ADAM7: variants seen among roughly 807,000 people sequenced by gnomAD.
The protein encoded by ADAM7 is ADAM metallopeptidase domain 7.
Under a neutral mutation model 102.9 loss-of-function variants are expected in ADAM7, and 97 were observed. That is an observed-to-expected ratio of 0.94 (90% CI 0.80 to 1.12). The LOEUF (loss-of-function observed/expected upper bound fraction) is 1.12, where lower values mean the gene tolerates loss of function less well. Ranked by LOEUF, ADAM7 falls within the 50% of genes most tolerant of loss-of-function variation. The probability of loss-of-function intolerance (pLI) is 0.00; values close to 1 mark genes in which losing one functional copy is unlikely to be tolerated. For missense variants in ADAM7, 991 were observed against 908.7 expected, an observed-to-expected ratio of 1.09 and a Z score of -1.16; for synonymous variants, 334 against 304.4, an observed-to-expected ratio of 1.10 and a Z score of -1.01.
chr8:24,465,657 C>T (rs767980101), intron 4 of ADAM7, 42 bp from the exon 5 acceptor site: 2 of 1,243,224 alleles, frequency 1.6e-6, no homozygotes, highest in South Asian at 1.7e-5. Context: ...TATATAAAAT[C>T]AATATTTATA....
intron 3 of ADAM7, among the ~76,000 whole-genome samples, chr8:24,452,768 T>C (rs1309625652): frequency 1.3e-5 from 2 of 151,914 alleles, no homozygotes; most frequent in East Asian, 1.9e-4. Flanking sequence ...CAATTTGGCA[T>C]GATTTTGCAG....
At chr8:24,490,964 T>C in intron 13 of ADAM7, 76 bp downstream of exon 13, 1 of 1,430,540 alleles carries the variant, frequency 7.0e-7, no homozygotes, top group Non-Finnish European at 9.7e-7. Context: ...ATCTAACCAC[T>C]GGACAGCCCT....
chr8:24,478,926 A>G (rs1325801683), intron 8 of ADAM7, among the ~76,000 whole-genome samples: 1 of 152,184 alleles, frequency 6.6e-6, no homozygotes, highest in Non-Finnish European at 1.5e-5. Flanking sequence ...TAATCTGGTC[A>G]GAAATTAGCT....
At chr8:24,488,656 T>C (rs998334089) in intron 11 of ADAM7, among the ~76,000 whole-genome samples, 1 of 152,152 alleles carries the variant, frequency 6.6e-6, no homozygotes, top group Non-Finnish European at 1.5e-5. Context: ...GGAAGGGAGA[T>C]AAATTTCAGG....
chr8:24,455,647 C>T (rs889332946), intron 3 of ADAM7, among the ~76,000 whole-genome samples: 3 of 152,226 alleles, frequency 2.0e-5, no homozygotes, highest in Admixed American at 6.5e-5. Flanking sequence ...TTCAAGCAGT[C>T]CTCCTGCCTT....
chr8:24,448,620 C>T (rs913074977), intron 3 of ADAM7, among the ~76,000 whole-genome samples: 3 of 151,640 alleles, frequency 2.0e-5, no homozygotes, highest in African/African-American at 7.3e-5. Context: ...CATGACCACA[C>T]TTTTCAACAT....
chr8:24,465,171 G>C (rs981451427), intron 4 of ADAM7, among the ~76,000 whole-genome samples: 6 of 152,036 alleles, frequency 3.9e-5, no homozygotes, highest in African/African-American at 1.5e-4. Flanking sequence ...CTTTTATGCA[G>C]GGGGTGGGTT....
At chr8:24,493,265 T>C (rs772653644) in intron 16 of ADAM7, 36 bp downstream of exon 16, 2 of 1,527,464 alleles carry the variant, frequency 1.3e-6, no homozygotes, top group East Asian at 2.3e-5. Context: ...TAAAACTTCT[T>C]AGTTCAATCC....
intron 3 of ADAM7, among the ~76,000 whole-genome samples, chr8:24,456,245 C>CT (rs1181664073): frequency 2.0e-5 from 3 of 152,284 alleles, no homozygotes; most frequent in Middle Eastern, 3.4e-3. Context: ...CTGTGCCTGG[C>CT]TTTTTTCATT....
intron 7 of ADAM7, chr8:24,476,085 AT>A: frequency 1.7e-5 from 7 of 401,504 alleles, no homozygotes; most frequent in South Asian, 1.1e-4. Context: ...TGTAGCTTTA[AT>A]AGGTTTGTTT....
chr8:24,465,856 A>G (rs139763008), intron 5 of ADAM7, 81 bp downstream of exon 5: 181 of 1,124,424 alleles, frequency 1.6e-4, no homozygotes, highest in Non-Finnish European at 2.1e-4. Context: ...ATTTTGTTTT[A>G]TCACTCCTGG....
chr8:24,476,571 C>T, intron 8 of ADAM7, 67 bp downstream of exon 8: 3 of 1,267,062 alleles, frequency 2.4e-6, no homozygotes, highest in African/African-American at 1.5e-5. Flanking sequence ...CAGCGCAGTT[C>T]TCTGCTGGAC....
chr8:24,507,627 G>A (rs1585942280), intron 21 of ADAM7, 92 bp downstream of exon 21: 3 of 1,082,582 alleles, frequency 2.8e-6, no homozygotes, highest in Non-Finnish European at 2.8e-6. Context: ...ATTTACTGGG[G>A]ACATCCTCTG....
intron 3 of ADAM7, among the ~76,000 whole-genome samples, chr8:24,451,969 T>A (rs1350577011): frequency 7.9e-5 from 12 of 152,196 alleles, no homozygotes; most frequent in African/African-American, 2.9e-4. Context: ...TTTGAGTGAG[T>A]TTCTTAATCC....
At chr8:24,459,041 G>A (rs1585867501) in intron 3 of ADAM7, among the ~76,000 whole-genome samples, 1 of 151,914 alleles carries the variant, frequency 6.6e-6, no homozygotes, top group African/African-American at 2.4e-5. Context: ...ATTATGTTGT[G>A]CTTCTGAGTT....
intron 20 of ADAM7, chr8:24,506,155 T>C (rs901321567): frequency 1.0e-5 from 16 of 1,549,090 alleles, no homozygotes; most frequent in Non-Finnish European, 1.4e-5. Context: ...TACATCACAC[T>C]GGTACGTTCC....
chr8:24,480,259 A>G (rs541525018), intron 8 of ADAM7, among the ~76,000 whole-genome samples: 1 of 152,298 alleles, frequency 6.6e-6, no homozygotes, highest in African/African-American at 2.4e-5. Context: ...TTTACTGAAG[A>G]TTTGTAGTTT....
At chr8:24,475,718 T>C (rs2129385894) in intron 7 of ADAM7, among the ~76,000 whole-genome samples, 1 of 152,294 alleles carries the variant, frequency 6.6e-6, no homozygotes, top group Non-Finnish European at 1.5e-5. Context: ...GGCAGGTTAA[T>C]TTCTTATTTT....
In ADAM7 at chr8:24,468,720, T is replaced by C. The variant is rs367676610; in HGVS notation, c.580-47T>C. On this transcript the variant is annotated intron_variant, in intron 6 of 21. Transcript: ENST00000175238. ...TTTTTTCCAACTTAAAGGGTTAAGA[T>C]AGAAAGTGTTAACTATACTTCAACT... The C allele has an allele frequency of 1.9e-5, 29 of 1,546,900 alleles. No homozygotes were observed. The African/African-American group carries it at 3.8e-4, about 20-fold the overall frequency.
Sources: allele counts gnomAD v4.1 joint callset (sites outside exome capture counted in the v4.1 genomes callset), GRCh38; gene constraint gnomAD v4.1.1; transcripts MANE v1.5; gene names NCBI Gene and HGNC (gene_info 2026-07-23, HGNC 2026-07-21).